The following METAP1 variants were observed in gnomAD, a reference collection of about 807,000 sequenced individuals.
The protein encoded by METAP1 is methionyl aminopeptidase 1.
A neutral mutation model predicts 53.8 loss-of-function variants in METAP1; 28 were observed. The ratio of observed to expected loss-of-function variants is 0.52; its 90% CI spans 0.39 to 0.71. The LOEUF (loss-of-function observed/expected upper bound fraction) is 0.71, where lower values mean the gene tolerates loss of function less well. METAP1 is among the 30% of genes least tolerant of loss of function. The pLI is 0.00. For synonymous variants in METAP1, 181 were observed against 165.7 expected (o/e 1.09, Z -0.71); for missense variants, 389 against 479.8 (o/e 0.81, Z 1.77).
chr4:99,014,322 T>C (rs142459412), intron 1 of METAP1, among the ~76,000 whole-genome samples: 406 of 152,278 alleles, frequency 2.7e-3, no homozygotes, highest in Non-Finnish European at 4.0e-3. Flanking sequence ...ACGTGCAGTA[T>C]TGGGTCTTAA....
intron 9 of METAP1, among the ~76,000 whole-genome samples, chr4:99,057,481 G>A (rs1727238256): frequency 6.6e-6 from 1 of 152,140 alleles, no homozygotes; most frequent in Admixed American, 6.6e-5. Context: ...TCTTTTTATA[G>A]AAGTGATACT....
intron 1 of METAP1, among the ~76,000 whole-genome samples, chr4:99,004,946 C>T (rs1489205998): frequency 4.6e-5 from 7 of 151,978 alleles, no homozygotes; most frequent in Non-Finnish European, 7.4e-5. Flanking sequence ...TGGGTTGTTA[C>T]GGTTTTTCTA....
chr4:99,046,211 C>T (rs558128947), intron 8 of METAP1, among the ~76,000 whole-genome samples: 23 of 151,944 alleles, frequency 1.5e-4, no homozygotes, highest in South Asian at 1.5e-3. Context: ...GTCAAGAGTT[C>T]GAGACCAGCC....
At position 99,045,323 on chromosome 4, in the gene METAP1, G is replaced by T; in HGVS notation, c.787+13G>T. The T allele has an allele frequency of 6.2e-7, 1 of 1,613,058 alleles. No individual in the cohort carries two copies. The highest frequency in any genetic ancestry group is 1.3e-5 in the African/African-American group (1 of 75,044). ...GCCATTGATGCAGGTCAGCCTCAGT[G>T]TTGAGCACCTATTGGCAGTCCTGTG... On this transcript the variant is annotated intron_variant, in intron 8 of 10. Transcript: ENST00000296411.
chr4:99,035,376 A>G (rs747073737), intron 3 of METAP1, 24 bp from the exon 4 acceptor site: 7 of 1,514,990 alleles, frequency 4.6e-6, no homozygotes, highest in Non-Finnish European at 5.4e-6. Flanking sequence ...TTGGTAAATC[A>G]GTTTTAACTA....
intron 4 of METAP1, 142 bp from the exon 5 acceptor site, chr4:99,039,232 T>G (rs1725668476): frequency 4.2e-6 from 2 of 470,858 alleles, no homozygotes; most frequent in South Asian, 9.5e-5. Context: ...TTTAAAAATC[T>G]AACCTAGACC....
At chr4:99,059,493 C>A (rs1174667015) in intron 10 of METAP1, among the ~76,000 whole-genome samples, 1 of 152,116 alleles carries the variant, frequency 6.6e-6, no homozygotes, top group Non-Finnish European at 1.5e-5. Context: ...TACTTCACTA[C>A]AGAGTTTATG....
chr4:99,034,884 A>AAT (rs1725318137), intron 3 of METAP1, among the ~76,000 whole-genome samples: 1 of 152,188 alleles, frequency 6.6e-6, no homozygotes. Flanking sequence ...CTTGGCAGAT[A>AAT]GGACTTGGAG....
chr4:99,047,537 T>A (rs1241904248), intron 8 of METAP1, among the ~76,000 whole-genome samples: 1 of 150,830 alleles, frequency 6.6e-6, no homozygotes, highest in Non-Finnish European at 1.5e-5. Flanking sequence ...ACCAGAAACC[T>A]CCTTCCTTCT....
intron 3 of METAP1, 25 bp downstream of exon 3, chr4:99,034,367 A>T (rs1349482939): frequency 7.6e-7 from 1 of 1,323,224 alleles, no homozygotes; most frequent in African/African-American, 1.5e-5. Flanking sequence ...TAATAAAAAC[A>T]ACATTCCAAT....
chr4:99,003,434 CT>C (rs971195924), intron 1 of METAP1, among the ~76,000 whole-genome samples: 6 of 151,936 alleles, frequency 3.9e-5, no homozygotes, highest in African/African-American at 1.2e-4. Context: ...AATGTCATAA[CT>C]TTTTTTTGTC....
chr4:99,037,089 A>G (rs1223577152), intron 4 of METAP1, among the ~76,000 whole-genome samples: 2 of 151,950 alleles, frequency 1.3e-5, no homozygotes, highest in African/African-American at 4.8e-5. Flanking sequence ...GCATCTTTTC[A>G]TATATTAAAG....
intron 1 of METAP1, among the ~76,000 whole-genome samples, chr4:98,999,896 G>A (rs1309528759): frequency 1.3e-5 from 2 of 152,088 alleles, no homozygotes; most frequent in East Asian, 3.9e-4. Flanking sequence ...AAGAGTTCTT[G>A]ATGTTCGATT....
intron 2 of METAP1, among the ~76,000 whole-genome samples, chr4:99,033,948 G>A (rs1374481995): frequency 1.3e-5 from 2 of 152,102 alleles, no homozygotes; most frequent in East Asian, 1.9e-4. Flanking sequence ...GTTCTTGTTC[G>A]ATATTATGTA....
At chr4:98,995,962 C>T (rs1258931113) in intron 1 of METAP1, 95 bp downstream of exon 1, 7 of 965,494 alleles carry the variant, frequency 7.3e-6, no homozygotes, top group South Asian at 7.0e-5. Flanking sequence ...CGAGTCGGGA[C>T]GCGCTCCTCC....
intron 1 of METAP1, chr4:99,025,482 A>G: frequency 1.0e-6 from 1 of 978,794 alleles, no homozygotes; most frequent in Admixed American, 6.1e-5. Flanking sequence ...AAATTCCCAG[A>G]GATTCTGATT....
At chr4:99,039,161 T>C (rs1230184) in intron 4 of METAP1, 306,377 of 394,996 alleles carry the variant, frequency 0.78, 120,571 homozygotes, top group East Asian at 0.98. Flanking sequence ...AAAATTTATC[T>C]TTTAGAATTT....
intron 1 of METAP1, among the ~76,000 whole-genome samples, chr4:99,010,180 G>T (rs894015692): frequency 1.3e-5 from 2 of 152,204 alleles, no homozygotes; most frequent in African/African-American, 4.8e-5. Context: ...GAGGCCAGGT[G>T]TGGTGCCTCA....
chr4:99,009,192 G>A (rs879889893), intron 1 of METAP1, among the ~76,000 whole-genome samples: 16 of 152,156 alleles, frequency 1.1e-4, no homozygotes, highest in Admixed American at 2.0e-4. Flanking sequence ...TGTTGTACCC[G>A]TCACAGGATT....
Sources: gnomAD v4.1 joint callset for allele counts (sites outside exome capture counted in the v4.1 genomes callset) on GRCh38, gnomAD v4.1.1 for gene constraint, MANE v1.5 for transcripts, NCBI Gene and HGNC (gene_info 2026-07-23, HGNC 2026-07-21) for gene names.